The following HDAC3 variants were observed in gnomAD, a reference collection of about 807,000 sequenced individuals.
The protein encoded by HDAC3 is SMAP45.
HDAC3 carries 21 observed loss-of-function variants against 62.3 expected under a neutral mutation model. The ratio of observed to expected loss-of-function variants is 0.34; its 90% confidence interval spans 0.24 to 0.49. HDAC3 has a LOEUF of 0.49. Among genes scored for constraint, HDAC3 ranks in the 20% least tolerant of loss-of-function variants. The pLI is 0.99. For missense variants in HDAC3, 270 were observed against 556.9 expected (o/e 0.48, Z 5.19); for synonymous variants, 198 against 206.5 (o/e 0.96, Z 0.35).
Position 141,629,378 on chromosome 5 carries a change from C to G in HDAC3, c.477-72G>C. On this transcript the variant is annotated intron_variant, in intron 6 of 14. Coordinates refer to ENST00000305264, the MANE Select transcript of HDAC3 (RefSeq NM_003883.4). The surrounding 1 kb of genome is among the most constrained non-coding windows in gnomAD (Gnocchi z 5.3). ...AACCCACTCCTCTCAAACACCGGGTCTCGAATTGTGAAGAGTCTGCTTCTG... is the reference window on the plus strand; with the variant it reads ...AACCCACTCCTCTCAAACACCGGGTGTCGAATTGTGAAGAGTCTGCTTCTG... The G allele has an allele frequency of 1.2e-6, 2 of 1,600,570 alleles. No homozygotes were observed. Among genetic ancestry groups the G allele is most frequent in the Non-Finnish European group, 1.7e-6 (2 of 1,170,648 alleles).
At chr5:141,624,023 T>G (rs2099904068) in intron 14 of HDAC3, among the ~76,000 whole-genome samples, 1 of 148,440 alleles carries the variant, frequency 6.7e-6, no homozygotes, top group Admixed American at 6.7e-5. Context: ...ATTTTGTATG[T>G]ATCTCAGAAA....
chr5:141,622,519 G>A (rs1401834137), intron 14 of HDAC3, among the ~76,000 whole-genome samples: 3 of 151,782 alleles, frequency 2.0e-5, no homozygotes, highest in South Asian at 4.1e-4. Flanking sequence ...CAGGAGAATC[G>A]CTTGAACCTG....
At chr5:141,636,690 A>G in intron 1 of HDAC3, 46 bp downstream of exon 1, 1 of 1,613,294 alleles carries the variant, frequency 6.2e-7, no homozygotes, top group Non-Finnish European at 8.5e-7. Flanking sequence ...ACCCCGCCTC[A>G]AAACCTCCGT....
intron 2 of HDAC3, among the ~76,000 whole-genome samples, chr5:141,635,329 A>G (rs1250899458): frequency 6.6e-6 from 1 of 152,186 alleles, no homozygotes; most frequent in African/African-American, 2.4e-5. Flanking sequence ...TATATGGGAT[A>G]TATGTCAACT....
At chr5:141,634,185 T>C (rs1244336015) in intron 3 of HDAC3, among the ~76,000 whole-genome samples, 1 of 152,202 alleles carries the variant, frequency 6.6e-6, no homozygotes, top group Non-Finnish European at 1.5e-5. Context: ...TAAGATCCCT[T>C]GCTTTTTAAA....
chr5:141,634,542 CATA>C (rs1225400858), intron 3 of HDAC3, among the ~76,000 whole-genome samples: 1 of 152,226 alleles, frequency 6.6e-6, no homozygotes, highest in Non-Finnish European at 1.5e-5. Flanking sequence ...TATACACTCT[CATA>C]ATCTGTCATA....
Position 141,626,205 on chromosome 5 carries a change from A to G in HDAC3, c.909T>C (p.Val303=), listed in dbSNP as rs777725602. 1 of 1,614,128 alleles carries G rather than the reference A, an allele frequency of 6.2e-7. No individual in the cohort carries two copies. ...LGGGGYTVRN[V]ARCWTYETSL... Reference sequence around the variant, plus strand: ...AGGAGAGTGCTCACCAGCAGCGGGCAACATTTCGGACAGTATAACCACCAC... The same window carrying G: ...AGGAGAGTGCTCACCAGCAGCGGGCGACATTTCGGACAGTATAACCACCAC... Residue 303 remains valine, a synonymous_variant, in exon 11 of 15, where the codon GTT becomes GTC. Transcript: ENST00000305264. The surrounding 1 kb of genome is among the most constrained non-coding windows in gnomAD (Gnocchi z 4.6).
chr5:141,630,164 TG>T, intron 3 of HDAC3, 39 bp from the exon 4 acceptor site: 1 of 1,585,114 alleles, frequency 6.3e-7, no homozygotes, highest in African/African-American at 1.3e-5. Flanking sequence ...CTCCTGCCTC[TG>T]TCTGGGCCCT....
Position 141,625,125 on chromosome 5 carries a change from C to G in HDAC3, c.1217+83G>C. ...AGGAGGTAAGCCAGAGGCAATTAAA[C>G]TAATACCTTCCCATTTACTTTTTCC... On this transcript the variant is annotated intron_variant, in intron 14 of 14. Coordinates refer to ENST00000305264, the MANE Select transcript of HDAC3 (RefSeq NM_003883.4). This position sits in a 1 kb window ranked among gnomAD's most constrained non-coding sequence, Gnocchi z 4.0. The G allele has an allele frequency of 7.7e-7, 1 of 1,305,254 alleles. No individual in the cohort carries two copies. Among genetic ancestry groups the G allele is most frequent in the Non-Finnish European group, 1.1e-6 (1 of 951,104 alleles). 80.9% of individuals were successfully genotyped at this position (1,305,254 alleles called of 1,614,324 possible). A position where few individuals can be genotyped will look rare whatever the true frequency, so the allele number is the denominator to read the frequency against.
In HDAC3 at chr5:141,628,363, A is replaced by G. The variant is rs2099904742; in HGVS notation, c.692-176T>C. On this transcript the variant is annotated intron_variant, in intron 8 of 14. Coordinates refer to ENST00000305264, the MANE Select transcript of HDAC3 (RefSeq NM_003883.4). This position sits in a 1 kb window ranked among gnomAD's most constrained non-coding sequence, Gnocchi z 4.7. ...CCAGACTGCTATGAGTGACTGATGA[A>G]AGCCAATGACTTTTCCCAGAAAAAT... 2 of 719,180 alleles carry G rather than the reference A, an allele frequency of 2.8e-6. No individual in the cohort carries two copies. Among genetic ancestry groups the G allele is most frequent in the African/African-American group, 3.6e-5 (2 of 55,682 alleles). 44.5% of individuals were successfully genotyped at this position (719,180 alleles called of 1,614,324 possible). A position where few individuals can be genotyped will look rare whatever the true frequency, so the allele number is the denominator to read the frequency against.
Position 141,628,590 on chromosome 5 carries a change from G to A in HDAC3, c.660C>T (p.Asn220=), listed in dbSNP as rs141006049. 1.7e-5 allele frequency: 28 copies of A among 1,613,964 alleles called. No homozygotes were observed. The highest frequency in any genetic ancestry group is 7.7e-5 in the South Asian group (7 of 91,084). Reference sequence around the variant, plus strand: ...CATCAATGCCATCCCGCAGGGGCACGTTCAGACAGTAGTAGCGGCCACTCT... The same window carrying A: ...CATCAATGCCATCCCGCAGGGGCACATTCAGACAGTAGTAGCGGCCACTCT... ...GAESGRYYCL[N]VPLRDGIDDQ... is the part of the protein sequence containing the mutation. The change falls in exon 8 of 15, where the codon AAC becomes AAT. Residue 220 remains asparagine (N), a synonymous_variant. Transcript: ENST00000305264. The surrounding 1 kb of genome is among the most constrained non-coding windows in gnomAD (Gnocchi z 4.7).
rs377206591 is a variant in HDAC3 at position 141,636,802 on chromosome 5, G to C, written c.-12C>G. The C allele has an allele frequency of 3.8e-6, 6 of 1,591,134 alleles. No homozygotes were observed. The highest frequency in any genetic ancestry group is 1.4e-5 in the African/African-American group (1 of 73,400). ...ACGGTCTTGGCCATGGTGCCGGCGGGAGCAGGCCCCGCACCTCCGCCGCCC... is the reference window on the plus strand; with the variant it reads ...ACGGTCTTGGCCATGGTGCCGGCGGCAGCAGGCCCCGCACCTCCGCCGCCC... On this transcript the variant is annotated 5_prime_UTR_variant, in exon 1 of 15. Coordinates refer to ENST00000305264, the MANE Select transcript of HDAC3 (RefSeq NM_003883.4).
At chr5:141,622,332 G>A (rs989767825) in intron 14 of HDAC3, among the ~76,000 whole-genome samples, 7 of 152,348 alleles carry the variant, frequency 4.6e-5, no homozygotes, top group South Asian at 2.1e-4. Context: ...AAAGCCGGGC[G>A]TGGTAGCTCA....
chr5:141,627,783 T>C (rs937261204), intron 10 of HDAC3, 110 bp downstream of exon 10: 9 of 890,158 alleles, frequency 1.0e-5, no homozygotes, highest in Non-Finnish European at 1.9e-6. Context: ...TTTGTAGCTA[T>C]TTTTGATTTC....
At chr5:141,635,384 G>A (rs76847269) in intron 2 of HDAC3, among the ~76,000 whole-genome samples, 7,125 of 152,288 alleles carry the variant, frequency 0.047, 182 homozygotes, top group Middle Eastern at 0.082. Context: ...AGGTCAGGGG[G>A]ATGTGTCACA....
chr5:141,633,277 T>C (rs2099905500), intron 3 of HDAC3, among the ~76,000 whole-genome samples: 1 of 152,206 alleles, frequency 6.6e-6, no homozygotes, highest in South Asian at 2.1e-4. Flanking sequence ...ATGCACTGTA[T>C]AGACCTTGTT....
At chr5:141,633,741 G>A (rs1282790621) in intron 3 of HDAC3, among the ~76,000 whole-genome samples, 21 of 148,732 alleles carry the variant, frequency 1.4e-4, no homozygotes, top group African/African-American at 5.0e-4. Context: ...CATGAGAATC[G>A]CTTGAACCCA....
intron 10 of HDAC3, among the ~76,000 whole-genome samples, chr5:141,627,675 G>A (rs2099904638): frequency 6.6e-6 from 1 of 152,128 alleles, no homozygotes; most frequent in Non-Finnish European, 1.5e-5. Context: ...GATGTGGTAT[G>A]ATGCCTGGAA....
intron 3 of HDAC3, among the ~76,000 whole-genome samples, chr5:141,631,257 G>A (rs1386223003): frequency 6.6e-6 from 1 of 152,096 alleles, no homozygotes; most frequent in Admixed American, 6.5e-5. Flanking sequence ...GTGCGATCTC[G>A]GCTCACTGCA....
Sources: allele counts gnomAD v4.1 joint callset (sites outside exome capture counted in the v4.1 genomes callset), GRCh38; gene constraint gnomAD v4.1.1; non-coding constraint Gnocchi (gnomAD v3.1); transcripts MANE v1.5; gene names NCBI Gene and HGNC (gene_info 2026-07-23, HGNC 2026-07-21).